The following PHF20L1 variants were observed in gnomAD, a reference collection of about 807,000 sequenced individuals.
PHF20L1 encodes the protein PHD finger protein 20 like 1.
A neutral mutation model predicts 125.5 loss-of-function variants in PHF20L1; 44 were observed. The ratio of observed to expected loss-of-function variants is 0.35; its 90% CI spans 0.28 to 0.45. The LOEUF is 0.45. PHF20L1 is among the 20% of genes least tolerant of loss of function. PHF20L1 has a pLI of 1.00. For missense variants in PHF20L1, 1,012 were observed against 1,217.2 expected (o/e 0.83, Z 2.51); for synonymous variants, 380 against 403.1 (o/e 0.94, Z 0.69).
chr8:132,797,870 C>G (rs888403625), intron 4 of PHF20L1, among the ~76,000 whole-genome samples: 5 of 152,086 alleles, frequency 3.3e-5, no homozygotes, highest in African/African-American at 1.2e-4. Context: ...GACCAAGTAT[C>G]TGTTTACTTA....
At chr8:132,833,989 A>G (rs1232532464) in intron 15 of PHF20L1, among the ~76,000 whole-genome samples, 1 of 152,070 alleles carries the variant, frequency 6.6e-6, no homozygotes, top group African/African-American at 2.4e-5. Flanking sequence ...AGGAAACCAC[A>G]CTTGCAAAAT....
intron 14 of PHF20L1, among the ~76,000 whole-genome samples, chr8:132,831,926 G>T (rs952105559): frequency 6.6e-6 from 1 of 152,080 alleles, no homozygotes; most frequent in African/African-American, 2.4e-5. Context: ...TGCAGACATA[G>T]TTGTGATTAT....
At chr8:132,807,192 A>G (rs1260593552) in intron 8 of PHF20L1, 1 of 155,068 alleles carries the variant, frequency 6.4e-6, no homozygotes, top group African/African-American at 2.4e-5. Context: ...CATATTGCAT[A>G]TACTGTGCAA....
rs765326467 is a variant in PHF20L1, at chr8:132,825,304, A to G, written c.1677A>G (p.Arg559=). The G allele has an allele frequency of 1.3e-6, 2 of 1,537,504 alleles. No individual in the cohort carries two copies. The highest frequency in any genetic ancestry group is 1.8e-6 in the Non-Finnish European group (2 of 1,115,596). Residue 559 remains arginine (R), a synonymous_variant, in exon 14 of 21, where the codon AGA becomes AGG. Transcript: ENST00000395386. The part of the protein sequence containing the change: ...KEKDKERREK[R]DKDHYRPKQK... ...AAGATAAGGAAAGAAGAGAGAAGAG[A>G]GACAAAGATCACTACAGACCAAAAC... is the stretch of plus-strand genomic sequence containing the variant.
At chr8:132,834,415 CCTCAAA>C (rs1326129700) in intron 15 of PHF20L1, among the ~76,000 whole-genome samples, 1 of 152,008 alleles carries the variant, frequency 6.6e-6, no homozygotes, top group African/African-American at 2.4e-5. Flanking sequence ...TTCATTGCAG[CCTCAAA>C]CTCCTTGGCT....
chr8:132,781,678 G>C (rs917047780), intron 2 of PHF20L1, among the ~76,000 whole-genome samples: 45 of 152,134 alleles, frequency 3.0e-4, no homozygotes, highest in African/African-American at 1.0e-3. Context: ...TGATGTGCCT[G>C]CCTCAGTCCC....
chr8:132,844,349 C>A, intron 20 of PHF20L1, 31 bp downstream of exon 20: 1 of 1,526,970 alleles, frequency 6.5e-7, no homozygotes, highest in Non-Finnish European at 9.0e-7. Flanking sequence ...AATACAGTTA[C>A]TATAGTGAAT....
intron 2 of PHF20L1, among the ~76,000 whole-genome samples, chr8:132,778,251 A>C (rs530684982): frequency 1.3e-5 from 2 of 152,110 alleles, no homozygotes; most frequent in Non-Finnish European, 2.9e-5. Context: ...CAGAGAACCA[A>C]CTTCTCATGT....
At chr8:132,845,110 G>A (rs1563862091) in intron 20 of PHF20L1, among the ~76,000 whole-genome samples, 1 of 151,914 alleles carries the variant, frequency 6.6e-6, no homozygotes, top group Non-Finnish European at 1.5e-5. Flanking sequence ...TTAATGTGAT[G>A]TTTTGAGTCC....
rs1396601436 is a variant in PHF20L1, at chr8:132,775,429, G to T, written c.-254G>T. Reference sequence around the variant, plus strand: ...GGAGGCGGCGGCGGCGGCGGCGATGGCAGCGGACCCTGAGCGAGCTTGAGG... The same window carrying T: ...GGAGGCGGCGGCGGCGGCGGCGATGTCAGCGGACCCTGAGCGAGCTTGAGG... On this transcript the variant is annotated 5_prime_UTR_variant, in exon 1 of 21. Coordinates refer to ENST00000395386, the MANE Select transcript of PHF20L1 (RefSeq NM_016018.5). 7 of 386,256 alleles carry T rather than the reference G, an allele frequency of 1.8e-5. No individual in the cohort carries two copies. The highest frequency in any genetic ancestry group is 3.8e-5 in the East Asian group (1 of 26,360). 23.9% of individuals were successfully genotyped at this position (386,256 alleles called of 1,614,324 possible).
chr8:132,826,930 T>C (rs1378733048), intron 14 of PHF20L1: 1 of 152,096 alleles, frequency 6.6e-6, no homozygotes, highest in East Asian at 1.9e-4. Flanking sequence ...TTGGTAATCA[T>C]TGTTGGTAAA....
intron 8 of PHF20L1, chr8:132,809,012 C>T (rs1030057351): frequency 6.6e-6 from 1 of 151,452 alleles, no homozygotes. Context: ...ACCTTAAATA[C>T]CAGTTTTAAT....
intron 6 of PHF20L1, among the ~76,000 whole-genome samples, chr8:132,800,983 G>A (rs554055636): frequency 3.2e-4 from 48 of 151,558 alleles, no homozygotes; most frequent in Non-Finnish European, 5.8e-4. Context: ...ATTTTGTGTG[G>A]AATGGTAGTG....
At chr8:132,780,384 A>G (rs1056084537) in intron 2 of PHF20L1, among the ~76,000 whole-genome samples, 3 of 152,164 alleles carry the variant, frequency 2.0e-5, no homozygotes, top group Non-Finnish European at 4.4e-5. Context: ...TTTACATTTC[A>G]TGGAAATTCT....
chr8:132,797,200 C>A (rs1446018883), intron 4 of PHF20L1, among the ~76,000 whole-genome samples: 1 of 151,956 alleles, frequency 6.6e-6, no homozygotes, highest in African/African-American at 2.4e-5. Flanking sequence ...TTTCTGTATG[C>A]CCCAAGTGGT....
intron 12 of PHF20L1, among the ~76,000 whole-genome samples, chr8:132,819,238 G>A (rs10956683): frequency 0.09 from 13,614 of 151,868 alleles, 893 homozygotes; most frequent in East Asian, 0.35. Flanking sequence ...AAGGTAGAGA[G>A]GAGTTTAGCT....
intron 6 of PHF20L1, among the ~76,000 whole-genome samples, chr8:132,802,099 T>C (rs1216947772): frequency 1.3e-5 from 2 of 151,660 alleles, no homozygotes; most frequent in Non-Finnish European, 3.0e-5. Context: ...TGATTGTACT[T>C]ACTCTTGTTT....
At chr8:132,833,220 TTTTC>T (rs1213803668) in intron 15 of PHF20L1, among the ~76,000 whole-genome samples, 3 of 152,062 alleles carry the variant, frequency 2.0e-5, no homozygotes, top group Non-Finnish European at 2.9e-5. Flanking sequence ...CTTCCTCCCT[TTTTC>T]TTTCTTCTGA....
In PHF20L1 at chr8:132,832,313, C is replaced by A; in HGVS notation, c.1823C>A (p.Ser608Tyr). 1 of 1,609,516 alleles carries A rather than the reference C, an allele frequency of 6.2e-7. No individual in the cohort carries two copies. Among genetic ancestry groups the A allele is most frequent in the Non-Finnish European group, 8.5e-7 (1 of 1,176,182 alleles). ...CCACTAACTCGATCTTCTGGGAGTT[C>A]TCTGGCTTCACGAAGCATGTTTACG... ...SSPLTRSSGS[S>Y]LASRSMFTEK... The change falls in exon 15 of 21, where the codon TCT becomes TAT. Residue 608 changes from serine to tyrosine, a missense_variant. By Grantham distance (144) the Ser-to-Tyr change is moderately radical. Coordinates refer to ENST00000395386, the MANE Select transcript of PHF20L1 (RefSeq NM_016018.5).
Sources: allele counts gnomAD v4.1 joint callset (sites outside exome capture counted in the v4.1 genomes callset), GRCh38; gene constraint gnomAD v4.1.1; transcripts MANE v1.5; gene names NCBI Gene and HGNC (gene_info 2026-07-23, HGNC 2026-07-21).